Variants in COLQ observed in about 807,000 individuals in gnomAD.
COLQ encodes acetylcholinesterase collagenic tail peptide.
COLQ carries 48 observed loss-of-function variants against 69.0 expected under a neutral mutation model. The observed-to-expected ratio is 0.70, with a 90% CI of 0.55 to 0.88. The LOEUF is 0.88. Ranked by LOEUF, COLQ falls within the 40% of genes least tolerant of loss-of-function variation. The pLI, the probability that COLQ is intolerant of heterozygous loss-of-function variation, is 0.00. For missense variants in COLQ, 618 were observed against 594.6 expected (o/e 1.04, Z -0.41); for synonymous variants, 217 against 211.2 (o/e 1.03, Z -0.24).
intron 1 of COLQ, among the ~76,000 whole-genome samples, chr3:15,510,332 T>TAC (rs1559532927): frequency 3.9e-5 from 6 of 152,020 alleles, no homozygotes; most frequent in African/African-American, 1.4e-4. Context: ...TCTGTAGGTA[T>TAC]TAGCTCATTT....
In COLQ at chr3:15,450,600, C is replaced by G. The variant is rs1000445694; in HGVS notation, c.*1044G>C. The G allele has an allele frequency of 9.8e-5, 15 of 153,720 alleles. No individual in the cohort carries two copies. The highest frequency in any genetic ancestry group is 3.6e-4 in the African/African-American group (15 of 41,454). The allele number at this position is 153,720 out of a possible 1,614,324, so 9.5% of individuals were successfully genotyped here. ...TTGAAAAGGGAGGAGCTCAGGCACA[C>G]AGGAGGACAAGGCTATGCAATATGC... On this transcript the variant is annotated 3_prime_UTR_variant, in exon 17 of 17. Transcript: ENST00000383788.
chr3:15,500,162 A>G (rs896635119), intron 1 of COLQ, among the ~76,000 whole-genome samples: 8 of 152,178 alleles, frequency 5.3e-5, no homozygotes, highest in African/African-American at 1.7e-4. Flanking sequence ...GAGACTTGCT[A>G]TATCAAGATG....
chr3:15,451,995 T>G (rs1185981035), intron 16 of COLQ, among the ~76,000 whole-genome samples: 2 of 152,120 alleles, frequency 1.3e-5, no homozygotes, highest in East Asian at 1.9e-4. Context: ...AAAAATGTCC[T>G]GTATCTGTGA....
intron 6 of COLQ, 57 bp from the exon 7 acceptor site, chr3:15,475,544 C>G: frequency 6.8e-7 from 1 of 1,477,440 alleles, no homozygotes; most frequent in Non-Finnish European, 9.3e-7. Flanking sequence ...GAAACTGAAC[C>G]AGGAAGTCAC....
At chr3:15,484,041 CT>C (rs150354937) in intron 3 of COLQ, among the ~76,000 whole-genome samples, 67,208 of 151,448 alleles carry the variant, frequency 0.44, 15,008 homozygotes, top group East Asian at 0.52. Context: ...GCAAGCCGTG[CT>C]TTTTTTTTGT....
At chr3:15,475,329 G>A (rs1454237918) in intron 7 of COLQ, 96 bp downstream of exon 7, 50 of 1,209,728 alleles carry the variant, frequency 4.1e-5, no homozygotes, top group Admixed American at 2.8e-4. Context: ...TCCCTAGTCC[G>A]GGACTGCAGC....
intron 15 of COLQ, among the ~76,000 whole-genome samples, 167 bp downstream of exon 15, chr3:15,455,732 A>C (rs2062014127): frequency 6.6e-6 from 1 of 152,180 alleles, no homozygotes; most frequent in Non-Finnish European, 1.5e-5. Flanking sequence ...ATTTGGGCTG[A>C]AACTGGGGCA....
At chr3:15,489,707 AG>A in intron 1 of COLQ, 70 bp from the exon 2 acceptor site, 1 of 1,390,426 alleles carries the variant, frequency 7.2e-7, no homozygotes. Flanking sequence ...CACCGTGCCC[AG>A]GGAAGACCCA....
intron 1 of COLQ, among the ~76,000 whole-genome samples, chr3:15,511,949 GAAGT>G (rs1020333546): frequency 9.8e-5 from 15 of 152,322 alleles, no homozygotes; most frequent in African/African-American, 3.6e-4. Flanking sequence ...GAATCCTAGT[GAAGT>G]AAGAAGAGCA....
intron 1 of COLQ, among the ~76,000 whole-genome samples, chr3:15,495,827 C>A (rs2062738089): frequency 1.3e-5 from 2 of 152,170 alleles, no homozygotes; most frequent in African/African-American, 4.8e-5. Context: ...GAGTGGGCAG[C>A]TTCAGTTGTA....
chr3:15,475,764 G>A (rs2062369736), intron 6 of COLQ, among the ~76,000 whole-genome samples: 2 of 152,132 alleles, frequency 1.3e-5, no homozygotes, highest in African/African-American at 4.8e-5. Context: ...GGTAATACTT[G>A]GTATTTTCCT....
chr3:15,521,488 T>C lies in COLQ; in HGVS notation c.106+32A>G, dbSNP rs751046082. The C allele has an allele frequency of 3.7e-6, 6 of 1,613,318 alleles. No individual in the cohort carries two copies. The South Asian group carries it at 4.4e-5, about 12-fold the overall frequency. On this transcript the variant is annotated intron_variant, in intron 1 of 16. Coordinates refer to ENST00000383788, the MANE Select transcript of COLQ (RefSeq NM_005677.4). ...CTTCCTCCCCCTGTCCCCTGACAGA[T>C]GGAAGAGAGGAAAGTTGTGGCCATC...
chr3:15,504,450 CTT>C (rs1293670673), intron 1 of COLQ, among the ~76,000 whole-genome samples: 3 of 152,216 alleles, frequency 2.0e-5, no homozygotes, highest in Non-Finnish European at 2.9e-5. Flanking sequence ...CTTCGTGTCT[CTT>C]TGTGTGTTCA....
intron 10 of COLQ, among the ~76,000 whole-genome samples, chr3:15,471,554 A>G (rs112813936): frequency 5.3e-5 from 8 of 152,362 alleles, no homozygotes; most frequent in African/African-American, 1.7e-4. Context: ...AGCAATAGCA[A>G]CCATGAGTGT....
At chr3:15,466,162 A>C (rs1204895774) in intron 12 of COLQ, among the ~76,000 whole-genome samples, 179 bp downstream of exon 12, 2 of 152,256 alleles carry the variant, frequency 1.3e-5, no homozygotes, top group Admixed American at 1.3e-4. Context: ...AATGGCATTT[A>C]TCTCTCTTGC....
intron 10 of COLQ, among the ~76,000 whole-genome samples, chr3:15,471,284 C>T (rs1417032837): frequency 6.6e-6 from 1 of 152,176 alleles, no homozygotes; most frequent in East Asian, 1.9e-4. Context: ...GCATGGAGAA[C>T]AATGGAAACA....
At chr3:15,506,953 T>C (rs761371536) in intron 1 of COLQ, 2 of 152,232 alleles carry the variant, frequency 1.3e-5, no homozygotes, top group African/African-American at 2.4e-5. Flanking sequence ...ATAAAATGCA[T>C]GCACATTGTT....
intron 1 of COLQ, among the ~76,000 whole-genome samples, chr3:15,494,197 C>T (rs564432799): frequency 2.6e-5 from 4 of 152,230 alleles, no homozygotes; most frequent in Admixed American, 2.0e-4. Context: ...TAGGAAACCA[C>T]GGCAGGTGCA....
At chr3:15,463,311 TTTGGTTTTGTTTTTTTTTG>T (rs2062149566) in intron 12 of COLQ, among the ~76,000 whole-genome samples, 1 of 151,428 alleles carries the variant, frequency 6.6e-6, no homozygotes, top group Non-Finnish European at 1.5e-5. Context: ...TTTTTTTGGT[TTTGGTTTTGTTTTTTTTTG>T]TTGTTTTTGT....
Sources: allele counts gnomAD v4.1 joint callset (sites outside exome capture counted in the v4.1 genomes callset), GRCh38; gene constraint gnomAD v4.1.1; transcripts MANE v1.5; gene names NCBI Gene and HGNC (gene_info 2026-07-23, HGNC 2026-07-21).